Variants in OXA1L observed in about 807,000 individuals in gnomAD.
OXA1L encodes the protein mitochondrial inner membrane protein OXA1L.
In OXA1L, 42 loss-of-function variants were observed where a neutral mutation model predicts 52.2. That is an observed-to-expected ratio of 0.80 (90% CI 0.63 to 1.04). The LOEUF is 1.04. Ranked by LOEUF, OXA1L falls within the 50% of genes least tolerant of loss-of-function variation. The pLI is 0.00. For synonymous variants in OXA1L, 239 were observed against 201.9 expected (o/e 1.18, Z -1.56); for missense variants, 572 against 555.0 (o/e 1.03, Z -0.31).
chr14:22,768,471 G>T, intron 3 of OXA1L: 4 of 368,962 alleles, frequency 1.1e-5, no homozygotes, highest in South Asian at 3.1e-5. Context: ...AGAGGTTCAG[G>T]TCAGGCACTT....
rs530824745 is a variant in OXA1L at position 22,770,926 on chromosome 14, G to A, written c.939+17G>A. 13 of 1,611,326 alleles carry A rather than the reference G, an allele frequency of 8.1e-6. No individual in the cohort carries two copies. In the East Asian group the frequency reaches 2.9e-4, roughly 36 times the overall value. ...TTCCCCACGGTATGTAATGCCTTATGGGCTGGCTCCAAGGCCTTCTGCCTA... is the reference window on the plus strand; with the variant it reads ...TTCCCCACGGTATGTAATGCCTTATAGGCTGGCTCCAAGGCCTTCTGCCTA... On this transcript the variant is annotated intron_variant, in intron 7 of 9. Coordinates refer to ENST00000612549, the MANE Select transcript of OXA1L (RefSeq NM_005015.5).
chr14:22,771,561 T>TGCC lies in OXA1L; in HGVS notation c.*3_*4insGCC. The TGCC allele has an allele frequency of 1.9e-6, 3 of 1,614,200 alleles. No individual in the cohort carries two copies. The highest frequency in any genetic ancestry group is 1.7e-6 in the Non-Finnish European group (2 of 1,180,000). The stretch of plus-strand genomic sequence containing the variant: ...CCTGGCACGACACACTTGGCTGACT[T>TGCC]ATGTTCTGTGCGCATTCTGGCAGGA... On this transcript the variant is annotated 3_prime_UTR_variant, in exon 10 of 10. Transcript: ENST00000612549.
intron 2 of OXA1L, 67 bp from the exon 3 acceptor site, chr14:22,767,891 T>C (rs2038423040): frequency 2.4e-6 from 3 of 1,268,032 alleles, no homozygotes; most frequent in Non-Finnish European, 3.3e-6. Context: ...CTGGTTATTA[T>C]AAAAAGATCT....
At chr14:22,770,757 CT>C in intron 6 of OXA1L, 47 bp from the exon 7 acceptor site, 1 of 1,575,304 alleles carries the variant, frequency 6.3e-7, no homozygotes, top group East Asian at 2.2e-5. Context: ...GACAGATTCA[CT>C]GAAACTGACA....
intron 1 of OXA1L, chr14:22,767,000 T>C: frequency 6.5e-7 from 1 of 1,534,670 alleles, no homozygotes; most frequent in Non-Finnish European, 8.7e-7. Flanking sequence ...TCGGCCTCGT[T>C]CTCAGGGCCC....
intron 3 of OXA1L, among the ~76,000 whole-genome samples, chr14:22,769,171 A>C (rs2038435919): frequency 6.6e-6 from 1 of 151,632 alleles, no homozygotes; most frequent in South Asian, 2.1e-4. Flanking sequence ...TCTTATTCTA[A>C]CTTTTTTTTA....
rs2038489046 is a variant in OXA1L, at chr14:22,772,518, AAC to A, written c.*962_*963del. 8.2e-6 allele frequency: 1 copy of A among 121,860 alleles called. No homozygotes were observed. Among genetic ancestry groups the A allele is most frequent in the African/African-American group, 3.2e-5 (1 of 30,810 alleles). The allele number at this position is 121,860 out of a possible 1,614,324, so 7.5% of individuals were successfully genotyped here. ...AAAAAAAAAAAAAAAAAAAAAAAAAAACAGTTTAAACTTCCAACCCATGCATG... is the reference window on the plus strand; with the variant it reads ...AAAAAAAAAAAAAAAAAAAAAAAAAAAGTTTAAACTTCCAACCCATGCATG... On this transcript the variant is annotated 3_prime_UTR_variant, in exon 10 of 10. Transcript: ENST00000612549.
At chr14:22,767,806 T>TC in intron 2 of OXA1L, 152 bp from the exon 3 acceptor site, 1 of 580,802 alleles carries the variant, frequency 1.7e-6, no homozygotes, top group Non-Finnish European at 3.0e-6. Flanking sequence ...AAATGAGATG[T>TC]CCTTTTTAAG....
At chr14:22,769,161 T>TC (rs150492666) in intron 3 of OXA1L, among the ~76,000 whole-genome samples, 6,845 of 152,234 alleles carry the variant, frequency 0.045, 482 homozygotes, top group African/African-American at 0.15. Flanking sequence ...CAATAGTAGA[T>TC]CTTATTCTAA....
rs1249357380 is a variant in OXA1L at position 22,766,732 on chromosome 14, G to C, written c.31G>C (p.Glu11Gln). The change falls in exon 1 of 10, where the codon GAG becomes CAG. Residue 11 changes from glutamate (E) to glutamine (Q), a missense_variant. Coordinates refer to ENST00000612549, the MANE Select transcript of OXA1L (RefSeq NM_005015.5). ...GATGGGACTAATGTGCGGACGCCGG[G>C]AGCTTCTGCGCTTGCTACAGTCCGG... MAMGLMCGRR[E>Q]LLRLLQSGRR... The C allele has an allele frequency of 6.2e-7, 1 of 1,614,254 alleles. No individual in the cohort carries two copies. Among genetic ancestry groups the C allele is most frequent in the Non-Finnish European group, 8.5e-7 (1 of 1,180,046 alleles).
chr14:22,767,998 C>T lies in OXA1L; in HGVS notation c.266C>T (p.Thr89Ile). Residue 89 changes from threonine to isoleucine, a missense_variant, in exon 3 of 10, where the codon ACA becomes ATA. Coordinates refer to ENST00000612549, the MANE Select transcript of OXA1L (RefSeq NM_005015.5). Reference protein sequence around the residue: ...PPVVAATPSPTAVPEVASGET... With the variant: ...PPVVAATPSPIAVPEVASGET... ...GTTGTTGCTGCAACTCCCTCACCCA[C>T]AGCAGTACCTGAGGTGGCTTCTGGA... 1 of 1,614,134 alleles carries T rather than the reference C, an allele frequency of 6.2e-7. No individual in the cohort carries two copies. The highest frequency in any genetic ancestry group is 8.5e-7 in the Non-Finnish European group (1 of 1,179,966).
Position 22,770,791 on chromosome 14 carries a change from A to T in OXA1L, c.835-14A>T. 6.2e-7 allele frequency: 1 copy of T among 1,611,194 alleles called. No homozygotes were observed. Among genetic ancestry groups the T allele is most frequent in the Non-Finnish European group, 8.5e-7 (1 of 1,177,382 alleles). ...ACAGCTTTCCCGACTTTTCCACCCCACTTCTTTTGGCAGCTAGGTGCTGAG... is the reference window on the plus strand; with the variant it reads ...ACAGCTTTCCCGACTTTTCCACCCCTCTTCTTTTGGCAGCTAGGTGCTGAG... On this transcript the variant is annotated splice_polypyrimidine_tract_variant and intron_variant, in intron 6 of 9. Transcript: ENST00000612549.
intron 4 of OXA1L, 30 bp from the exon 5 acceptor site, chr14:22,770,163 C>T (rs2038445585): frequency 9.9e-6 from 15 of 1,520,548 alleles, no homozygotes; most frequent in Admixed American, 1.7e-5. Flanking sequence ...TAACTGTTAC[C>T]CCAACCATTA....
rs756963136 is a variant in OXA1L, at chr14:22,768,095, A to G, written c.363A>G (p.Pro121=). The change falls in exon 3 of 10, where the codon CCA becomes CCG. Residue 121 remains proline (P), a synonymous_variant. Coordinates refer to ENST00000612549, the MANE Select transcript of OXA1L (RefSeq NM_005015.5). Reference sequence around the variant, plus strand: ...AACTGGGGCTGGGGTCATACACCCCAGTGGGACTGATCCAGAATTTACTGG... The same window carrying G: ...AACTGGGGCTGGGGTCATACACCCCGGTGGGACTGATCCAGAATTTACTGG... ...FAELGLGSYT[P]VGLIQNLLEF... 2 of 1,614,230 alleles carry G rather than the reference A, an allele frequency of 1.2e-6. No individual in the cohort carries two copies. The highest frequency in any genetic ancestry group is 1.1e-5 in the South Asian group (1 of 91,088).
chr14:22,767,368 C>G lies in OXA1L; in HGVS notation c.184C>G (p.Arg62Gly). The G allele has an allele frequency of 6.2e-7, 1 of 1,613,688 alleles. No individual in the cohort carries two copies. Among genetic ancestry groups the G allele is most frequent in the Non-Finnish European group, 8.5e-7 (1 of 1,179,820 alleles). ...CCTCTTCCTTGCGGCTTCCGGCCCC[C>G]GCAGCCTCAGTACCTCTGCTATCTC... is the stretch of plus-strand genomic sequence containing the variant. ...HYLFLAASGP[R>G]SLSTSAISFA... Residue 62 changes from arginine to glycine, a missense_variant, in exon 2 of 10, where the codon CGC (arginine) becomes GGC (glycine). Transcript: ENST00000612549.
intron 3 of OXA1L, 78 bp from the exon 4 acceptor site, chr14:22,769,713 G>A (rs2139374719): frequency 6.8e-7 from 1 of 1,475,152 alleles, no homozygotes; most frequent in East Asian, 2.3e-5. Context: ...GACCCTTTCA[G>A]TAAGGACCTA....
Position 22,767,333 on chromosome 14 carries a change from G to C in OXA1L, c.149G>C (p.Arg50Pro), listed in dbSNP as rs368218531. Reference sequence around the variant, plus strand: ...TTCCCAGCAGCCCCGTGCTGCTGTCGCCCACACTACCTCTTCCTTGCGGCT... The same window carrying C: ...TTCCCAGCAGCCCCGTGCTGCTGTCCCCCACACTACCTCTTCCTTGCGGCT... ...LLFPAAPCCCRPHYLFLAASG... is the reference protein window; with the variant it reads ...LLFPAAPCCCPPHYLFLAASG... The change falls in exon 2 of 10, where the codon CGC (arginine) becomes CCC (proline). Residue 50 changes from arginine (R) to proline (P), a missense_variant. Coordinates refer to ENST00000612549, the MANE Select transcript of OXA1L (RefSeq NM_005015.5). 1 of 1,613,662 alleles carries C rather than the reference G, an allele frequency of 6.2e-7. No homozygotes were observed. Among genetic ancestry groups the C allele is most frequent in the Non-Finnish European group, 8.5e-7 (1 of 1,179,896 alleles).
At chr14:22,771,223 C>A in intron 8 of OXA1L, 43 bp downstream of exon 8, 1 of 1,612,782 alleles carries the variant, frequency 6.2e-7, no homozygotes, top group Non-Finnish European at 8.5e-7. Context: ...GGAAAGGGGT[C>A]TAAAAATAGG....
Position 22,770,590 on chromosome 14 carries a change from C to T in OXA1L, c.799C>T (p.Leu267=). ...TVSDPIYILP[L]AVTATMWAVL... The stretch of plus-strand genomic sequence containing the variant: ...ATCCGATCCCATCTACATATTACCA[C>T]TGGCAGTCACTGCTACAATGTGGGC... The change falls in exon 6 of 10, where the codon CTG becomes TTG. Residue 267 remains leucine (L), a synonymous_variant. Coordinates refer to ENST00000612549, the MANE Select transcript of OXA1L (RefSeq NM_005015.5). 1 of 1,613,506 alleles carries T rather than the reference C, an allele frequency of 6.2e-7. No individual in the cohort carries two copies.
Sources: gnomAD v4.1 joint callset for allele counts (sites outside exome capture counted in the v4.1 genomes callset) on GRCh38, gnomAD v4.1.1 for gene constraint, MANE v1.5 for transcripts, NCBI Gene and HGNC (gene_info 2026-07-23, HGNC 2026-07-21) for gene names.